The following DGKB variants were observed in gnomAD, a reference collection of about 807,000 sequenced individuals.
DGKB encodes 90 kDa diacylglycerol kinase.
DGKB carries 67 observed loss-of-function variants against 114.3 expected under a neutral mutation model. The ratio of observed to expected loss-of-function variants is 0.59; its 90% CI spans 0.48 to 0.72. The LOEUF is 0.72. Ranked by LOEUF, DGKB falls within the 30% of genes least tolerant of loss-of-function variation. The pLI, the probability that DGKB is intolerant of heterozygous loss-of-function variation, is 0.00. For missense variants in DGKB, 907 were observed against 975.2 expected, an observed-to-expected ratio of 0.93 and a Z score of 0.93; for synonymous variants, 398 against 323.1, an observed-to-expected ratio of 1.23 and a Z score of -2.49.
intron 21 of DGKB, among the ~76,000 whole-genome samples, chr7:14,362,578 T>C (rs151325888): frequency 6.6e-6 from 1 of 152,142 alleles, no homozygotes; most frequent in Non-Finnish European, 1.5e-5. Flanking sequence ...ATTAGATTGC[T>C]TATATAACTT....
At chr7:14,638,990 A>G (rs1302673967) in intron 13 of DGKB, among the ~76,000 whole-genome samples, 1 of 152,132 alleles carries the variant, frequency 6.6e-6, no homozygotes, top group African/African-American at 2.4e-5. Context: ...GTGAGCTGAG[A>G]TCACGCCACT....
At chr7:14,451,549 C>G (rs1007689388) in intron 21 of DGKB, among the ~76,000 whole-genome samples, 1 of 138,236 alleles carries the variant, frequency 7.2e-6, no homozygotes. Flanking sequence ...CTATCTGTCT[C>G]TCTCTCTCTC....
chr7:14,450,013 G>A (rs1831251074), intron 21 of DGKB, among the ~76,000 whole-genome samples: 1 of 151,938 alleles, frequency 6.6e-6, no homozygotes. Context: ...AGTTCATTAT[G>A]TATTACTTGC....
At chr7:14,782,508 T>C (rs374754471) in intron 2 of DGKB, among the ~76,000 whole-genome samples, 1 of 152,202 alleles carries the variant, frequency 6.6e-6, no homozygotes, top group East Asian at 1.9e-4. Flanking sequence ...TCCTTTGCTC[T>C]AGGCATGTGG....
chr7:14,523,261 C>T (rs2128571094), intron 20 of DGKB, among the ~76,000 whole-genome samples: 1 of 152,294 alleles, frequency 6.6e-6, no homozygotes, highest in East Asian at 1.9e-4. Context: ...TTTATTTTGA[C>T]ACCATCTCCT....
intron 23 of DGKB, among the ~76,000 whole-genome samples, chr7:14,215,754 C>G (rs1185218962): frequency 6.6e-6 from 1 of 151,988 alleles, no homozygotes; most frequent in African/African-American, 2.4e-5. Flanking sequence ...ATAACAGTAA[C>G]TAGAAGTGTA....
chr7:14,494,828 G>A lies in DGKB; in HGVS notation c.1771-16603C>T, dbSNP rs557936831. On this transcript the variant is annotated intron_variant, in intron 20 of 25. Transcript: ENST00000402815. ...TTGTATGTCTTTGTTTCACTCTAAC[G>A]TGAAATTTAAAAAAATACATACACT... Among the ~76,000 whole-genome samples, 19 of 151,650 alleles carry A rather than the reference G, an allele frequency of 1.3e-4. No individual in the cohort carries two copies. The East Asian group carries it at 3.1e-3, about 25-fold the overall frequency.
At chr7:14,616,352 A>G (rs566988125) in intron 15 of DGKB, among the ~76,000 whole-genome samples, 2 of 151,488 alleles carry the variant, frequency 1.3e-5, no homozygotes, top group South Asian at 4.1e-4. Flanking sequence ...TGAGGTACCA[A>G]TGTAGTTAGG....
In DGKB at chr7:14,699,146, T is replaced by C. The variant is rs1419267804; in HGVS notation, c.517-977A>G. 2.0e-5 allele frequency among the ~76,000 whole-genome samples: 3 copies of C among 152,014 alleles called. No individual in the cohort carries two copies. The East Asian group carries it at 5.8e-4, about 29-fold the overall frequency. ...TCTCTCCAGAAAAAAAAAATATAAT[T>C]ATGAATATGTTACTTAAGTAAGACA... is the stretch of plus-strand genomic sequence containing the variant. On this transcript the variant is annotated intron_variant, in intron 7 of 25. Transcript: ENST00000402815.
At chr7:14,564,153 T>C (rs1000006002) in intron 20 of DGKB, among the ~76,000 whole-genome samples, 5 of 152,166 alleles carry the variant, frequency 3.3e-5, no homozygotes, top group African/African-American at 9.7e-5. Context: ...AGGGGAAGGA[T>C]CAATGGTATC....
chr7:14,393,858 T>C (rs1821819357), intron 21 of DGKB, among the ~76,000 whole-genome samples: 1 of 152,166 alleles, frequency 6.6e-6, no homozygotes, highest in African/African-American at 2.4e-5. Flanking sequence ...GAACTGATGT[T>C]ACATATAACA....
At chr7:14,360,738 C>A (rs913358294) in intron 21 of DGKB, among the ~76,000 whole-genome samples, 1 of 151,970 alleles carries the variant, frequency 6.6e-6, no homozygotes, top group Non-Finnish European at 1.5e-5. Flanking sequence ...ATATGAATGA[C>A]ACCCCAAATC....
chr7:14,528,531 G>C lies in DGKB; in HGVS notation c.1770+45681C>G, dbSNP rs115349975. 2.0e-3 allele frequency among the ~76,000 whole-genome samples: 298 copies of C among 152,148 alleles called. 4 individuals carry two copies. Among genetic ancestry groups the C allele is most frequent in the Middle Eastern group, 0.017 (5 of 294 alleles). ...AAAATTGCAAGTAACATGGTGATTA[G>C]TCATTGAACTACATAGTAACTTGCA... On this transcript the variant is annotated intron_variant, in intron 20 of 25. Transcript: ENST00000402815.
chr7:14,385,201 T>C (rs1820120928), intron 21 of DGKB, among the ~76,000 whole-genome samples: 1 of 152,150 alleles, frequency 6.6e-6, no homozygotes, highest in Non-Finnish European at 1.5e-5. Context: ...TGCTGTATGC[T>C]AACTCCTGAG....
intron 20 of DGKB, among the ~76,000 whole-genome samples, chr7:14,561,915 G>A (rs1164226409): frequency 1.3e-5 from 2 of 152,214 alleles, no homozygotes; most frequent in Non-Finnish European, 2.9e-5. Context: ...AAGAAATGGG[G>A]AAACTGTCTC....
chr7:14,186,433 C>G (rs188441237), intron 23 of DGKB, among the ~76,000 whole-genome samples: 1 of 152,242 alleles, frequency 6.6e-6, no homozygotes, highest in African/African-American at 2.4e-5. Flanking sequence ...TGTAAACTAG[C>G]ACAGCCACTA....
intron 21 of DGKB, among the ~76,000 whole-genome samples, chr7:14,425,669 C>T (rs1563158196): frequency 6.6e-6 from 1 of 152,112 alleles, no homozygotes; most frequent in Non-Finnish European, 1.5e-5. Context: ...TGAGAATAAA[C>T]ATTTCAGTTT....
chr7:14,445,069 G>T (rs919667088), intron 21 of DGKB, among the ~76,000 whole-genome samples: 1 of 151,650 alleles, frequency 6.6e-6, no homozygotes, highest in Non-Finnish European at 1.5e-5. Flanking sequence ...TACCACTATT[G>T]TTCCCACCTC....
intron 25 of DGKB, among the ~76,000 whole-genome samples, chr7:14,157,476 T>C (rs1005866768): frequency 1.3e-5 from 2 of 151,850 alleles, no homozygotes; most frequent in Non-Finnish European, 2.9e-5. Flanking sequence ...AGAGAAATCA[T>C]TGTGAAGACT....
Sources: allele counts gnomAD v4.1 joint callset (sites outside exome capture counted in the v4.1 genomes callset), GRCh38; gene constraint gnomAD v4.1.1; transcripts MANE v1.5; gene names NCBI Gene and HGNC (gene_info 2026-07-23, HGNC 2026-07-21).